The following DDAH1 variants were observed in gnomAD, a reference collection of about 807,000 sequenced individuals.
DDAH1 encodes N(G),N(G)-dimethylarginine dimethylaminohydrolase 1.
DDAH1 carries 19 observed loss-of-function variants against 28.8 expected under a neutral mutation model. The observed-to-expected ratio is 0.66, with a 90% confidence interval of 0.46 to 0.97. DDAH1 has a LOEUF of 0.97. Ranked by LOEUF, DDAH1 falls within the 50% of genes least tolerant of loss-of-function variation. The probability of loss-of-function intolerance (pLI) is 0.00; values close to 1 mark genes in which losing one functional copy is unlikely to be tolerated. For synonymous variants in DDAH1, 153 were observed against 154.4 expected, an observed-to-expected ratio of 0.99 and a Z score of 0.07; for missense variants, 326 against 375.9, an observed-to-expected ratio of 0.87 and a Z score of 1.10.
chr1:85,331,615 A>G (rs761601), intron 4 of DDAH1, among the ~76,000 whole-genome samples: 43,950 of 152,062 alleles, frequency 0.29, 7,272 homozygotes, highest in South Asian at 0.4. Flanking sequence ...ACAACATACC[A>G]GCATCAAGCC....
intron 2 of DDAH1, among the ~76,000 whole-genome samples, chr1:85,353,881 G>A (rs948451973): frequency 6.6e-6 from 1 of 152,038 alleles, no homozygotes; most frequent in African/African-American, 2.4e-5. Context: ...TTATAGGGTG[G>A]CATGCATACC....
At chr1:85,389,288 GTT>G (rs1449533460) in intron 1 of DDAH1, among the ~76,000 whole-genome samples, 1 of 152,136 alleles carries the variant, frequency 6.6e-6, no homozygotes, top group African/African-American at 2.4e-5. Flanking sequence ...AATAAAAGTT[GTT>G]TTTATCTCAA....
intron 1 of DDAH1, among the ~76,000 whole-genome samples, chr1:85,434,477 C>G (rs1653841016): frequency 6.6e-6 from 1 of 151,858 alleles, no homozygotes; most frequent in Admixed American, 6.6e-5. Flanking sequence ...AGTGCAGTGG[C>G]ATGATCTTGG....
At chr1:85,449,654 T>A (rs1039043774) in intron 1 of DDAH1, among the ~76,000 whole-genome samples, 1 of 151,950 alleles carries the variant, frequency 6.6e-6, no homozygotes, top group Admixed American at 6.6e-5. Context: ...GGGTGAAGGA[T>A]TAGCTGGGAG....
At chr1:85,576,082 T>A (rs1279822465) in intron 1 of DDAH1, among the ~76,000 whole-genome samples, 4 of 122,378 alleles carry the variant, frequency 3.3e-5, no homozygotes, top group Non-Finnish European at 5.5e-5. Context: ...AAATAAAATT[T>A]AAAAAAAAAG....
At chr1:85,436,426 T>C (rs1054068666) in intron 1 of DDAH1, among the ~76,000 whole-genome samples, 1 of 152,192 alleles carries the variant, frequency 6.6e-6, no homozygotes, top group Non-Finnish European at 1.5e-5. Context: ...ATGGACAATA[T>C]AGCTTTTGGC....
upstream of DDAH1, among the ~76,000 whole-genome samples, chr1:85,469,789 A>C (rs143127920): frequency 2.6e-5 from 4 of 152,330 alleles, no homozygotes; most frequent in East Asian, 5.8e-4. Context: ...TGTGCTAGGA[A>C]ATGGGGATGT....
intron 2 of DDAH1, chr1:85,494,825 AG>A (rs1418167076): frequency 6.6e-6 from 1 of 152,364 alleles, no homozygotes; most frequent in Non-Finnish European, 1.5e-5. Context: ...TATCTCAGGC[AG>A]GCAGGCAGAA....
At chr1:85,356,422 G>C (rs1649489895) in intron 2 of DDAH1, among the ~76,000 whole-genome samples, 1 of 152,182 alleles carries the variant, frequency 6.6e-6, no homozygotes. Context: ...AAATGTTACA[G>C]ACCTTATTTC....
In DDAH1 at chr1:85,541,884, A is replaced by G. The variant is rs142441004; in HGVS notation, c.-123+36100T>C. ...ACCAGGAAGCAGGGTATCACCACATATTGAATCTTCTGGCATCTTGATCTT... is the reference window on the plus strand; with the variant it reads ...ACCAGGAAGCAGGGTATCACCACATGTTGAATCTTCTGGCATCTTGATCTT... On this transcript the variant is annotated intron_variant, in intron 1 of 6. Coordinates refer to the DDAH1 transcript ENST00000426972. Among the ~76,000 whole-genome samples the G allele has an allele frequency of 2.7e-3, 412 of 152,324 alleles. 3 individuals are homozygous for G. In the Middle Eastern group the frequency reaches 0.027, roughly 10 times the overall value.
At chr1:85,569,195 T>C (rs1659385376) in intron 1 of DDAH1, among the ~76,000 whole-genome samples, 1 of 152,206 alleles carries the variant, frequency 6.6e-6, no homozygotes. Flanking sequence ...TGAGTTCAAT[T>C]AGATTTTTAA....
intron 4 of DDAH1, among the ~76,000 whole-genome samples, chr1:85,337,669 G>C (rs1428399446): frequency 6.6e-6 from 1 of 152,086 alleles, no homozygotes; most frequent in African/African-American, 2.4e-5. Flanking sequence ...GGCCAGGCTG[G>C]TCTCAAACTC....
In DDAH1 at chr1:85,477,926, TTTG is replaced by T. The variant is rs147918064; in HGVS notation, c.-7+18237_-7+18239del. Among the ~76,000 whole-genome samples, 141 of 152,194 alleles carry T rather than the reference TTTG, an allele frequency of 9.3e-4. 1 individual carries two copies. The highest frequency in any genetic ancestry group is 3.3e-3 in the African/African-American group (138 of 41,564). On this transcript the variant is annotated intron_variant, in intron 2 of 6. Coordinates refer to the DDAH1 transcript ENST00000426972. ...ATGGGCTTCTATTCTCTATTCAGTT[TTTG>T]TTATTTTAATATATTAAACATAATT...
intron 4 of DDAH1, among the ~76,000 whole-genome samples, chr1:85,341,587 G>A (rs1239957904): frequency 1.3e-5 from 2 of 152,106 alleles, no homozygotes; most frequent in East Asian, 3.9e-4. Flanking sequence ...AGGCCGAGGC[G>A]GTGGATCACG....
In DDAH1 at chr1:85,377,679, C is replaced by T. The variant is rs1359186675; in HGVS notation, c.304-18832G>A. 1.2e-4 allele frequency among the ~76,000 whole-genome samples: 18 copies of T among 152,054 alleles called. 1 individual carries two copies. Among genetic ancestry groups the T allele is most frequent in the Admixed American group, 1.2e-3 (18 of 15,244 alleles). On this transcript the variant is annotated intron_variant, in intron 1 of 5. Coordinates refer to ENST00000284031, the MANE Select transcript of DDAH1 (RefSeq NM_012137.4). Reference sequence around the variant, plus strand: ...TTCCTTCACAGATTCTTTTAGGAAGCAAAACATCTTTCTCTTTCCTTCTCC... The same window carrying T: ...TTCCTTCACAGATTCTTTTAGGAAGTAAAACATCTTTCTCTTTCCTTCTCC...
intron 1 of DDAH1, among the ~76,000 whole-genome samples, chr1:85,462,150 C>T (rs1241459116): frequency 1.3e-5 from 2 of 152,064 alleles, no homozygotes; most frequent in Admixed American, 1.3e-4. Context: ...AAGCTGAGAA[C>T]TTAAGACAGA....
chr1:85,405,836 G>A (rs915593614), intron 1 of DDAH1, among the ~76,000 whole-genome samples: 1 of 152,126 alleles, frequency 6.6e-6, no homozygotes, highest in Non-Finnish European at 1.5e-5. Context: ...CTTATTCCAA[G>A]CTGCCCTCAT....
intron 1 of DDAH1, among the ~76,000 whole-genome samples, chr1:85,510,318 C>G (rs1358123285): frequency 1.3e-5 from 2 of 152,168 alleles, no homozygotes; most frequent in Non-Finnish European, 2.9e-5. Context: ...TTGTCACAAC[C>G]AGGCTTGCCT....
chr1:85,459,238 AT>A (rs1330281794), intron 1 of DDAH1, among the ~76,000 whole-genome samples: 1 of 152,198 alleles, frequency 6.6e-6, no homozygotes, highest in Non-Finnish European at 1.5e-5. Context: ...TGCAAAGGCA[AT>A]TTTCCAGCAT....
Sources: allele counts gnomAD v4.1 joint callset (sites outside exome capture counted in the v4.1 genomes callset), GRCh38; gene constraint gnomAD v4.1.1; transcripts MANE v1.5; gene names NCBI Gene and HGNC (gene_info 2026-07-23, HGNC 2026-07-21).